The following LRRC2 variants were observed in gnomAD, a reference collection of about 807,000 sequenced individuals.
LRRC2 encodes the protein leucine-rich repeat-containing protein 2.
In LRRC2, 27 loss-of-function variants were observed where a neutral mutation model predicts 40.2. That is an observed-to-expected ratio of 0.67 (90% confidence interval 0.49 to 0.93). The LOEUF (loss-of-function observed/expected upper bound fraction) is 0.93. LRRC2 is among the 40% of genes least tolerant of loss of function. The pLI, the probability that LRRC2 is intolerant of heterozygous loss-of-function variation, is 0.00. For missense variants in LRRC2, 402 were observed against 439.6 expected, an observed-to-expected ratio of 0.91 and a Z score of 0.76; for synonymous variants, 147 against 158.9, an observed-to-expected ratio of 0.92 and a Z score of 0.56.
At chr3:46,525,992 C>T (rs1000680126) in intron 7 of LRRC2, among the ~76,000 whole-genome samples, 1 of 151,074 alleles carries the variant, frequency 6.6e-6, no homozygotes, top group East Asian at 1.9e-4. Flanking sequence ...CTAGCTCTGT[C>T]GCCAGGCTGT....
At chr3:46,554,173 C>T (rs908375754) in intron 1 of LRRC2, among the ~76,000 whole-genome samples, 1 of 152,120 alleles carries the variant, frequency 6.6e-6, no homozygotes, top group Non-Finnish European at 1.5e-5. Flanking sequence ...ACATGCGCCA[C>T]TATGCCCAGA....
chr3:46,519,172 C>G lies in LRRC2; in HGVS notation c.1067-109G>C. 3 of 779,390 alleles carry G rather than the reference C, an allele frequency of 3.8e-6. No homozygotes were observed. The South Asian group carries it at 4.3e-5, about 11-fold the overall frequency. The allele number at this position is 779,390 out of a possible 1,614,324, so 48.3% of individuals were successfully genotyped here. A position where few individuals can be genotyped will look rare whatever the true frequency, so the allele number is the denominator to read the frequency against. ...TGTATGTCAATACACCCATTATTGT[C>G]ACTTCATGTTTTAAGTATAGAGATA... is the stretch of plus-strand genomic sequence containing the variant. On this transcript the variant is annotated intron_variant, in intron 8 of 8. Transcript: ENST00000395905.
rs187261707 is a variant in LRRC2, at chr3:46,522,941, T to C, written c.930-1283A>G. Among the ~76,000 whole-genome samples, 10 of 152,302 alleles carry C rather than the reference T, an allele frequency of 6.6e-5. No homozygotes were observed. The East Asian group carries it at 1.9e-3, about 29-fold the overall frequency. Reference sequence around the variant, plus strand: ...TCTCTTAAATAGTTTTTGGTTGCAATTGCAGGCCCTGCTGTCTTGAGATGT... The same window carrying C: ...TCTCTTAAATAGTTTTTGGTTGCAACTGCAGGCCCTGCTGTCTTGAGATGT... On this transcript the variant is annotated intron_variant, in intron 7 of 8. Transcript: ENST00000395905.
At chr3:46,549,762 G>A (rs1704602709) in intron 2 of LRRC2, among the ~76,000 whole-genome samples, 1 of 152,228 alleles carries the variant, frequency 6.6e-6, no homozygotes, top group African/African-American at 2.4e-5. Flanking sequence ...ACCTCAGGAA[G>A]TTGCATCAGC....
At chr3:46,556,767 C>T (rs762389973) in intron 1 of LRRC2, among the ~76,000 whole-genome samples, 4 of 151,900 alleles carry the variant, frequency 2.6e-5, no homozygotes, top group Middle Eastern at 6.8e-3. Flanking sequence ...TTAGTAGAGA[C>T]AGGGTTTCAC....
intron 3 of LRRC2, among the ~76,000 whole-genome samples, chr3:46,544,753 G>A (rs7626061): frequency 0.084 from 12,849 of 152,222 alleles, 609 homozygotes; most frequent in South Asian, 0.17. Flanking sequence ...CACTTAAATT[G>A]ATGTTTTTTA....
intron 1 of LRRC2, among the ~76,000 whole-genome samples, chr3:46,564,810 G>A (rs762838668): frequency 3.9e-5 from 6 of 152,154 alleles, no homozygotes; most frequent in African/African-American, 7.2e-5. Flanking sequence ...CCTTCCAGGC[G>A]TGTCATCAAT....
chr3:46,521,511 G>A lies in LRRC2; in HGVS notation c.1066+11C>T. The A allele has an allele frequency of 1.1e-5, 17 of 1,570,342 alleles. No homozygotes were observed. Among genetic ancestry groups the A allele is most frequent in the Non-Finnish European group, 1.5e-5 (17 of 1,154,668 alleles). ...ACTAATTTTAAATAATTTTAAATATGAGTAACCCACCTCTTTCTTTAAGGT... is the reference window on the plus strand; with the variant it reads ...ACTAATTTTAAATAATTTTAAATATAAGTAACCCACCTCTTTCTTTAAGGT... On this transcript the variant is annotated intron_variant, in intron 8 of 8. Transcript: ENST00000395905.
At chr3:46,551,412 G>T in intron 2 of LRRC2, 55 bp downstream of exon 2, 1 of 1,588,094 alleles carries the variant, frequency 6.3e-7, no homozygotes, top group Non-Finnish European at 8.6e-7. Context: ...ACTGTTGCCT[G>T]TCCAAATCCT....
At position 46,527,557 on chromosome 3, in the gene LRRC2, G is replaced by C. The variant is rs968173384; in HGVS notation, c.798C>G (p.Leu266=). 1 of 1,613,880 alleles carries C rather than the reference G, an allele frequency of 6.2e-7. No individual in the cohort carries two copies. Among genetic ancestry groups the C allele is most frequent in the Non-Finnish European group, 8.5e-7 (1 of 1,179,924 alleles). The stretch of plus-strand genomic sequence containing the variant: ...GGTAGGTCAACTTGTTTTTATACAA[G>C]AGAAAGCTCTGCAGCTCCTCTAGCC... ...IDRLEELQSF[L]LYKNKLTYLP... is the part of the protein sequence containing the mutation. The change falls in exon 7 of 9, where the codon CTC becomes CTG. Residue 266 remains leucine, a synonymous_variant. Transcript: ENST00000395905.
At position 46,518,306 on chromosome 3, in the gene LRRC2, C is replaced by T. The variant is rs1313061661; in HGVS notation, c.*708G>A. On this transcript the variant is annotated 3_prime_UTR_variant, in exon 9 of 9. Transcript: ENST00000395905. Reference sequence around the variant, plus strand: ...AACTCTTTCAAAATAACAAAACACTCTCATCTGATTAGTCCAATATAAATG... The same window carrying T: ...AACTCTTTCAAAATAACAAAACACTTTCATCTGATTAGTCCAATATAAATG... 6.6e-6 allele frequency: 1 copy of T among 152,056 alleles called. No individual in the cohort carries two copies. Among genetic ancestry groups the T allele is most frequent in the Non-Finnish European group, 1.5e-5 (1 of 68,026 alleles). 9.4% of individuals were successfully genotyped at this position (152,056 alleles called of 1,614,324 possible).
intron 1 of LRRC2, among the ~76,000 whole-genome samples, chr3:46,562,276 A>G (rs1346753083): frequency 6.6e-6 from 1 of 152,140 alleles, no homozygotes; most frequent in Non-Finnish European, 1.5e-5. Context: ...GTCAACAGCC[A>G]TGAGAGGGGG....
intron 4 of LRRC2, among the ~76,000 whole-genome samples, chr3:46,533,775 T>TTTTCTTTCTTTCTTTCTTTCTTTGTTTG (rs1553612500): frequency 0.085 from 7,873 of 92,826 alleles, 359 homozygotes; most frequent in South Asian, 0.24. Context: ...CCTCCCTCTC[T>TTTTCTTTCTTTCTTTCTTTCTTTGTTTG]TTTCTTTCTT....
At chr3:46,557,993 G>A (rs1290056931) in intron 1 of LRRC2, 1 of 152,276 alleles carries the variant, frequency 6.6e-6, no homozygotes, top group East Asian at 1.9e-4. Flanking sequence ...ACAAGCACAG[G>A]CAGGAGTTCT....
At position 46,529,968 on chromosome 3, in the gene LRRC2, G is replaced by A. The variant is rs775968286; in HGVS notation, c.710C>T (p.Ser237Leu). ...GCTGATATCCAACCACTGCAAATTC[G>A]ACATCCGCAGGACACAGATTGGGAC... ...SSVPICVLRM[S>L]NLQWLDISSN... is the part of the protein sequence containing the mutation. Residue 237 changes from serine (S) to leucine (L), a missense_variant, in exon 6 of 9, where the codon TCG becomes TTG. By Grantham distance (145) the Ser-to-Leu change is moderately radical (BLOSUM62 -2). Transcript: ENST00000395905. 5.0e-6 allele frequency: 8 copies of A among 1,614,110 alleles called. No individual in the cohort carries two copies. Among genetic ancestry groups the A allele is most frequent in the Admixed American group, 1.7e-5 (1 of 59,994 alleles).
In LRRC2 at chr3:46,539,019, C is replaced by T. The variant is rs767119295; in HGVS notation, c.490+26G>A. ...CTGCCTGCTTAACACACCAGAGGCC[C>T]GAAGACCCCTGCTAAGTTGACATAC... is the stretch of plus-strand genomic sequence containing the variant. On this transcript the variant is annotated intron_variant, in intron 4 of 8. Coordinates refer to ENST00000395905, the MANE Select transcript of LRRC2 (RefSeq NM_024512.5). 3.1e-6 allele frequency: 5 copies of T among 1,609,162 alleles called. No individual in the cohort carries two copies. The Admixed American group carries it at 5.1e-5, about 16-fold the overall frequency.
At chr3:46,534,270 G>A (rs1222621307) in intron 4 of LRRC2, among the ~76,000 whole-genome samples, 1 of 152,000 alleles carries the variant, frequency 6.6e-6, no homozygotes, top group Non-Finnish European at 1.5e-5. Context: ...TCCTTTTTAT[G>A]GCTGCATAGT....
intron 2 of LRRC2, among the ~76,000 whole-genome samples, chr3:46,550,355 G>A (rs893533231): frequency 2.1e-5 from 3 of 146,028 alleles, no homozygotes; most frequent in African/African-American, 5.0e-5. Flanking sequence ...CAAGAATGTA[G>A]ACACATTCAC....
intron 1 of LRRC2, chr3:46,558,476 C>T (rs958281479): frequency 6.6e-6 from 1 of 152,250 alleles, no homozygotes. Flanking sequence ...TCCGTGTGCA[C>T]CACCCAGTGG....
Sources: allele counts gnomAD v4.1 joint callset (sites outside exome capture counted in the v4.1 genomes callset), GRCh38; gene constraint gnomAD v4.1.1; transcripts MANE v1.5; gene names NCBI Gene and HGNC (gene_info 2026-07-23, HGNC 2026-07-21).